Variants in GRIK2 observed in about 807,000 individuals in gnomAD.
GRIK2 encodes glutamate ionotropic receptor kainate type subunit 2, also known as glutamate receptor ionotropic, kainate 2.
GRIK2 carries 32 observed loss-of-function variants against 100.3 expected under a neutral mutation model. The observed-to-expected ratio is 0.32, with a 90% CI of 0.24 to 0.43. The LOEUF is 0.43. Ranked by LOEUF, GRIK2 falls within the 20% of genes least tolerant of loss-of-function variation. GRIK2 has a pLI of 1.00. For missense variants in GRIK2, 843 were observed against 1,114.9 expected (o/e 0.76, Z 3.47); for synonymous variants, 417 against 389.4 (o/e 1.07, Z -0.83).
chr6:101,982,361 G>A (rs1195621108), intron 14 of GRIK2, among the ~76,000 whole-genome samples: 2 of 151,846 alleles, frequency 1.3e-5, no homozygotes, highest in African/African-American at 4.8e-5. Flanking sequence ...GGAGTTAAGT[G>A]ACAACTCTGT....
At position 101,971,050 on chromosome 6, in the gene GRIK2, A is replaced by G. The variant is rs936813929; in HGVS notation, c.2085+42418A>G. ...TTTATCACTGCATTCCTTGCTGTGT[A>G]TTTCAAATTCTCTTGGAGTTTGTAC... On this transcript the variant is annotated intron_variant, in intron 14 of 16. Coordinates refer to ENST00000369134, the MANE Select transcript of GRIK2 (RefSeq NM_021956.5). Among the ~76,000 whole-genome samples the G allele has an allele frequency of 1.3e-5, 2 of 150,852 alleles. 1 individual carries two copies. The highest frequency in any genetic ancestry group is 5.0e-5 in the African/African-American group (2 of 40,322).
intron 2 of GRIK2, among the ~76,000 whole-genome samples, chr6:101,544,647 AT>A (rs1293589862): frequency 6.6e-6 from 1 of 152,136 alleles, no homozygotes; most frequent in Non-Finnish European, 1.5e-5. Context: ...TTTTGTTCAA[AT>A]TCGTCTAACC....
intron 11 of GRIK2, among the ~76,000 whole-genome samples, chr6:101,879,140 C>T (rs1033667655): frequency 6.6e-6 from 1 of 152,142 alleles, no homozygotes; most frequent in East Asian, 1.9e-4. Context: ...AAGTACACAA[C>T]TTCTGCTTAC....
intron 14 of GRIK2, among the ~76,000 whole-genome samples, chr6:101,941,840 G>A (rs1364790435): frequency 2.6e-5 from 4 of 151,946 alleles, no homozygotes; most frequent in Non-Finnish European, 1.5e-5. Flanking sequence ...TTTAAAAATG[G>A]CAAACCAGTG....
At chr6:101,521,265 G>A (rs527731770) in intron 2 of GRIK2, among the ~76,000 whole-genome samples, 2 of 150,500 alleles carry the variant, frequency 1.3e-5, no homozygotes, top group East Asian at 3.9e-4. Flanking sequence ...AAACCTTAAT[G>A]TGCTTTAATA....
intron 7 of GRIK2, among the ~76,000 whole-genome samples, chr6:101,752,403 C>T (rs76991699): frequency 0.013 from 1,919 of 152,178 alleles, 18 homozygotes; most frequent in African/African-American, 0.017. Context: ...TGGTTTCTTT[C>T]GGTGGGAATT....
intron 2 of GRIK2, among the ~76,000 whole-genome samples, chr6:101,607,703 A>G (rs953548788): frequency 1.3e-5 from 2 of 151,962 alleles, no homozygotes; most frequent in Non-Finnish European, 2.9e-5. Flanking sequence ...CTAGCAAGGC[A>G]TATTTCACAG....
rs897362358 is a variant in GRIK2, at chr6:101,945,272, C to T, written c.2085+16640C>T. On this transcript the variant is annotated intron_variant, in intron 14 of 16. Transcript: ENST00000369134. ...AGATATGTTTTCAGTGTAAAATTTA[C>T]GTTGGATTTCAAAACTAAAATAATG... Among the ~76,000 whole-genome samples the T allele has an allele frequency of 5.9e-5, 9 of 151,940 alleles. No homozygotes were observed. The East Asian group carries it at 7.7e-4, about 13-fold the overall frequency.
Position 101,909,378 on chromosome 6 carries a change from T to TTTG in GRIK2, c.1749-15221_1749-15220insGTT, listed in dbSNP as rs1554284521. ...ATGCTGAAGGAAGATAGGGTTTTCT[T>TTTG]TTTCTTTTTTTTTTTTTTAAAGATC... On this transcript the variant is annotated intron_variant, in intron 12 of 16. Transcript: ENST00000369134. Among the ~76,000 whole-genome samples, 12 of 120,396 alleles carry TTTG rather than the reference T, an allele frequency of 1.0e-4. 1 individual carries two copies. The highest frequency in any genetic ancestry group is 8.9e-5 in the Non-Finnish European group (5 of 56,286). The allele number at this position is 120,396 out of a possible 152,430, so 79.0% of individuals were successfully genotyped here.
At chr6:101,987,734 T>A (rs1025760139) in intron 14 of GRIK2, among the ~76,000 whole-genome samples, 2 of 151,382 alleles carry the variant, frequency 1.3e-5, no homozygotes, top group South Asian at 2.1e-4. Flanking sequence ...CTTCATTTTT[T>A]AAACTAGTAA....
At chr6:101,942,485 A>G (rs1177600227) in intron 14 of GRIK2, among the ~76,000 whole-genome samples, 1 of 152,176 alleles carries the variant, frequency 6.6e-6, no homozygotes, top group East Asian at 1.9e-4. Context: ...GACTTGTTGA[A>G]TGGTTTTGAC....
chr6:101,784,931 A>G (rs999561110), intron 7 of GRIK2, among the ~76,000 whole-genome samples: 2 of 152,126 alleles, frequency 1.3e-5, no homozygotes, highest in African/African-American at 4.8e-5. Flanking sequence ...AGTGTATAAG[A>G]GTTCCTTTTT....
At chr6:101,825,998 AT>A (rs1782301623) in intron 10 of GRIK2, among the ~76,000 whole-genome samples, 1 of 152,026 alleles carries the variant, frequency 6.6e-6, no homozygotes. Context: ...TCCTTCTTTG[AT>A]TCAGGACTCA....
At chr6:101,843,629 A>G (rs1171572068) in intron 10 of GRIK2, among the ~76,000 whole-genome samples, 1 of 152,172 alleles carries the variant, frequency 6.6e-6, no homozygotes, top group Admixed American at 6.6e-5. Context: ...CCTGTACCAC[A>G]GCACAGGTCA....
chr6:101,428,843 C>T (rs895159074), intron 2 of GRIK2, among the ~76,000 whole-genome samples: 1 of 152,156 alleles, frequency 6.6e-6, no homozygotes, highest in Non-Finnish European at 1.5e-5. Flanking sequence ...GACTTCTGCT[C>T]ACATCCCTGT....
chr6:101,658,961 C>A (rs1248065485), intron 4 of GRIK2, among the ~76,000 whole-genome samples: 1 of 152,110 alleles, frequency 6.6e-6, no homozygotes, highest in African/African-American at 2.4e-5. Flanking sequence ...AAAATTTTCT[C>A]CCATTCTATA....
intron 2 of GRIK2, among the ~76,000 whole-genome samples, chr6:101,460,573 A>T (rs1460426085): frequency 6.6e-6 from 1 of 152,232 alleles, no homozygotes; most frequent in African/African-American, 2.4e-5. Context: ...TTTCTATTAT[A>T]GTAAGAGTGA....
intron 5 of GRIK2, among the ~76,000 whole-genome samples, chr6:101,677,610 C>A (rs1410494296): frequency 6.6e-6 from 1 of 152,096 alleles, no homozygotes; most frequent in Admixed American, 6.6e-5. Flanking sequence ...AGGCCCTACA[C>A]TTACTATGTA....
At chr6:101,454,649 C>G (rs951844075) in intron 2 of GRIK2, among the ~76,000 whole-genome samples, 2 of 152,004 alleles carry the variant, frequency 1.3e-5, no homozygotes, top group Non-Finnish European at 2.9e-5. Context: ...TTTGGTCAGT[C>G]CAAACCATTA....
Sources: gnomAD v4.1 joint callset for allele counts (sites outside exome capture counted in the v4.1 genomes callset) on GRCh38, gnomAD v4.1.1 for gene constraint, MANE v1.5 for transcripts, NCBI Gene and HGNC (gene_info 2026-07-23, HGNC 2026-07-21) for gene names.